SLC12A7: variants seen among roughly 807,000 people sequenced by gnomAD.
SLC12A7 encodes solute carrier family 12 member 7.
Under a neutral mutation model 120.6 loss-of-function variants are expected in SLC12A7, and 100 were observed. The ratio of observed to expected loss-of-function variants is 0.83; its 90% CI spans 0.71 to 0.98. The LOEUF (loss-of-function observed/expected upper bound fraction) is 0.98. Among genes scored for constraint, SLC12A7 ranks in the 50% least tolerant of loss-of-function variants. The pLI, the probability that SLC12A7 is intolerant of heterozygous loss-of-function variation, is 0.00. For missense variants in SLC12A7, 1,373 were observed against 1,548.1 expected (o/e 0.89, Z 1.90); for synonymous variants, 760 against 678.0 (o/e 1.12, Z -1.88).
chr5:1,084,855 C>A (rs994809876), intron 7 of SLC12A7, among the ~76,000 whole-genome samples: 3 of 152,110 alleles, frequency 2.0e-5, no homozygotes, highest in African/African-American at 7.2e-5. Context: ...AGAAAAGAGC[C>A]CCTCCAAGCA....
Position 1,073,763 on chromosome 5 carries a change from T to C in SLC12A7, c.2111A>G (p.Gln704Arg). ...VLVMLNLDAEQAVKHPRLLSF... is the reference protein window; with the variant it reads ...VLVMLNLDAERAVKHPRLLSF... ...CAGCAGGCGGGGGTGCTTCACGGCC[T>C]GCTCCGCGTCCAGGTTCAGCATCAC... Residue 704 changes from glutamine (Q) to arginine (R), a missense_variant, in exon 17 of 24, where the codon CAG becomes CGG. Coordinates refer to ENST00000264930, the MANE Select transcript of SLC12A7 (RefSeq NM_006598.3). The C allele has an allele frequency of 2.6e-6, 4 of 1,510,746 alleles. No homozygotes were observed. Among genetic ancestry groups the C allele is most frequent in the Admixed American group, 2.0e-5 (1 of 50,728 alleles). The allele number at this position is 1,510,746 out of a possible 1,614,324, so 93.6% of individuals were successfully genotyped here.
chr5:1,081,433 G>A lies in SLC12A7; in HGVS notation c.1297+144C>T, dbSNP rs1003640100. The stretch of plus-strand genomic sequence containing the variant: ...AGCTGCTTGGGAGACTCAGGTGGGA[G>A]GAATATTTGTGTCTAGGAGTTGAGG... On this transcript the variant is annotated intron_variant, in intron 9 of 23. Coordinates refer to ENST00000264930, the MANE Select transcript of SLC12A7 (RefSeq NM_006598.3). The A allele has an allele frequency of 4.9e-6, 4 of 810,788 alleles. No homozygotes were observed. In the African/African-American group the frequency reaches 6.9e-5, roughly 14 times the overall value. The allele number at this position is 810,788 out of a possible 1,614,324, so 50.2% of individuals were successfully genotyped here.
At chr5:1,142,335 CCCCTCTCCCCTCTT>C in the SLC12A7 span, among the ~76,000 whole-genome samples, 3 of 100,372 alleles carry the variant, frequency 3.0e-5, no homozygotes, top group African/African-American at 7.9e-5. Flanking sequence ...TCTCTCCTCT[CCCCTCTCCCCTCTT>C]CCCTCTCCCC....
chr5:1,073,337 G>A (rs1737911937), intron 17 of SLC12A7, among the ~76,000 whole-genome samples: 1 of 152,176 alleles, frequency 6.6e-6, no homozygotes, highest in Admixed American at 6.5e-5. Context: ...GACTGAGCTT[G>A]CAGCAGAACC....
the SLC12A7 span, among the ~76,000 whole-genome samples, chr5:1,127,068 G>A: frequency 6.6e-6 from 1 of 152,082 alleles, no homozygotes; most frequent in Non-Finnish European, 1.5e-5. Context: ...AGGCTGAAGT[G>A]CAGTGGCGCA....
Position 1,095,014 on chromosome 5 carries a change from G to GGC in SLC12A7, c.125-767_125-766insGC, listed in dbSNP as rs1441721518. Reference sequence around the variant, plus strand: ...GTGTTAGAAGATAGGGTCGGTAGGAGGTGGGGGCGGTAGGAGGCGGGGGGC... The same window carrying GGC: ...GTGTTAGAAGATAGGGTCGGTAGGAGGCGTGGGGGCGGTAGGAGGCGGGGGGC... On this transcript the variant is annotated intron_variant, in intron 1 of 23. Transcript: ENST00000264930. Among the ~76,000 whole-genome samples the GGC allele has an allele frequency of 8.2e-3, 1,027 of 124,840 alleles. 9 individuals carry two copies. The highest frequency in any genetic ancestry group is 0.025 in the African/African-American group (927 of 36,522). 81.9% of individuals were successfully genotyped at this position (124,840 alleles called of 152,430 possible).
chr5:1,130,461 A>T, the SLC12A7 span, among the ~76,000 whole-genome samples: 1 of 110,912 alleles, frequency 9.0e-6, no homozygotes, highest in East Asian at 2.5e-4. Flanking sequence ...CCCCCACCCC[A>T]CCCCAGGAGA....
At chr5:1,052,997 G>A (rs1463755663) in intron 23 of SLC12A7, among the ~76,000 whole-genome samples, 7 of 152,238 alleles carry the variant, frequency 4.6e-5, no homozygotes, top group Admixed American at 3.3e-4. Context: ...CACCGTTGTC[G>A]GCGCAGGGTG....
At chr5:1,052,995 TC>T (rs1176293471) in intron 23 of SLC12A7, among the ~76,000 whole-genome samples, 1 of 152,226 alleles carries the variant, frequency 6.6e-6, no homozygotes, top group Non-Finnish European at 1.5e-5. Context: ...CCCACCGTTG[TC>T]GGCGCAGGGT....
At chr5:1,099,532 T>G (rs1741785233) in intron 1 of SLC12A7, among the ~76,000 whole-genome samples, 1 of 151,494 alleles carries the variant, frequency 6.6e-6, no homozygotes, top group African/African-American at 2.4e-5. Flanking sequence ...GTCAGAGGAT[T>G]GATCCCAGTT....
In SLC12A7 at chr5:1,051,046, TTAAA is replaced by T. The variant is rs1303781501; in HGVS notation, c.*1310_*1313del. 6.3e-5 allele frequency: 25 copies of T among 397,946 alleles called. No homozygotes were observed. The highest frequency in any genetic ancestry group is 8.4e-5 in the Non-Finnish European group (19 of 225,952). 24.7% of individuals were successfully genotyped at this position (397,946 alleles called of 1,614,324 possible). A position where few individuals can be genotyped will look rare whatever the true frequency, so the allele number is the denominator to read the frequency against. On this transcript the variant is annotated 3_prime_UTR_variant, in exon 24 of 24. Coordinates refer to ENST00000264930, the MANE Select transcript of SLC12A7 (RefSeq NM_006598.3). Reference sequence around the variant, plus strand: ...GTTACCACGTAACTCCCTGGGGTGTTTAAATAAATAAATATGCCACATAGAAAGG... The same window carrying T: ...GTTACCACGTAACTCCCTGGGGTGTTTAAATAAATATGCCACATAGAAAGG...
chr5:1,125,808 C>G, the SLC12A7 span, among the ~76,000 whole-genome samples: 9 of 151,460 alleles, frequency 5.9e-5, no homozygotes, highest in Admixed American at 3.9e-4. Context: ...GCCTGTAATC[C>G]CAGCTACTCA....
At chr5:1,110,594 C>T (rs543675176) in intron 1 of SLC12A7, among the ~76,000 whole-genome samples, 3 of 152,376 alleles carry the variant, frequency 2.0e-5, no homozygotes, top group East Asian at 1.9e-4. Flanking sequence ...CTTCTGAGTG[C>T]GTTCCGGGGG....
At chr5:1,112,171 G>A, upstream of SLC12A7, 1 of 667,464 alleles carries the variant, frequency 1.5e-6, no homozygotes, top group South Asian at 7.8e-5. Context: ...GCGACTTCCT[G>A]CAGGGACCCC....
In SLC12A7 at chr5:1,109,711, GCTC is replaced by G. The variant is rs755107507; in HGVS notation, c.124+2154_124+2156del. On this transcript the variant is annotated intron_variant, in intron 1 of 23. Transcript: ENST00000264930. ...CCAGGCTGGGGACACCAAGGCCCCT[GCTC>G]CTCAAGTTGGGGTGGCTCAGGACGC... is the stretch of plus-strand genomic sequence containing the variant. 2.4e-4 allele frequency among the ~76,000 whole-genome samples: 37 copies of G among 152,334 alleles called. No individual in the cohort carries two copies. In the East Asian group the frequency reaches 2.9e-3, roughly 12 times the overall value.
intron 1 of SLC12A7, among the ~76,000 whole-genome samples, chr5:1,106,675 G>C (rs1429278919): frequency 6.6e-6 from 1 of 152,182 alleles, no homozygotes; most frequent in Non-Finnish European, 1.5e-5. Context: ...AAGGACAGCA[G>C]CCCTGGGAAG....
At chr5:1,079,552 G>C (rs1289544640) in intron 9 of SLC12A7, 56 bp from the exon 10 acceptor site, 22 of 1,405,084 alleles carry the variant, frequency 1.6e-5, no homozygotes, top group Non-Finnish European at 2.1e-5. Flanking sequence ...GCCATGTGAT[G>C]GCAGCCCCTG....
intron 7 of SLC12A7, among the ~76,000 whole-genome samples, chr5:1,084,466 TCGTGCCA>T (rs1403914285): frequency 1.3e-5 from 2 of 152,172 alleles, no homozygotes; most frequent in African/African-American, 4.8e-5. Context: ...CAAGCCACCC[TCGTGCCA>T]CGTGCCAACG....
intron 1 of SLC12A7, among the ~76,000 whole-genome samples, chr5:1,098,264 C>A (rs540486341): frequency 1.2e-4 from 2 of 16,164 alleles, no homozygotes; most frequent in African/African-American, 7.5e-4. Context: ...ACCCTCTGCA[C>A]GCCCAGGCCC....
Sources: gnomAD v4.1 joint callset for allele counts (sites outside exome capture counted in the v4.1 genomes callset) on GRCh38, gnomAD v4.1.1 for gene constraint, MANE v1.5 for transcripts, NCBI Gene and HGNC (gene_info 2026-07-23, HGNC 2026-07-21) for gene names.